KCNH5: variants seen among roughly 807,000 people sequenced by gnomAD.
The protein encoded by KCNH5 is voltage-gated delayed rectifier potassium channel KCNH5.
A neutral mutation model predicts 96.1 loss-of-function variants in KCNH5; 46 were observed. The observed-to-expected ratio is 0.48, with a 90% CI of 0.38 to 0.61. The LOEUF is 0.61. Ranked by LOEUF, KCNH5 falls within the 20% of genes least tolerant of loss-of-function variation. KCNH5 has a pLI of 0.00. For missense variants in KCNH5, 907 were observed against 1,225.8 expected, an observed-to-expected ratio of 0.74 and a Z score of 3.88; for synonymous variants, 439 against 449.8, an observed-to-expected ratio of 0.98 and a Z score of 0.30.
At chr14:62,824,948 T>C (rs1887191454) in intron 8 of KCNH5, among the ~76,000 whole-genome samples, 1 of 152,104 alleles carries the variant, frequency 6.6e-6, no homozygotes, top group African/African-American at 2.4e-5. Context: ...TTCATTGTTT[T>C]TTTTATGGCT....
At chr14:63,016,486 C>T (rs2139607208) in intron 2 of KCNH5, among the ~76,000 whole-genome samples, 1 of 152,100 alleles carries the variant, frequency 6.6e-6, no homozygotes, top group Middle Eastern at 3.4e-3. Context: ...TTTAGTTGTT[C>T]CAGAGGTGCT....
intron 7 of KCNH5, among the ~76,000 whole-genome samples, chr14:62,873,702 G>A (rs774068084): frequency 3.3e-5 from 5 of 152,046 alleles, no homozygotes; most frequent in Non-Finnish European, 7.4e-5. Flanking sequence ...TATTATACAT[G>A]CCCAAAAATC....
At chr14:63,028,466 A>G (rs1891565750) in intron 1 of KCNH5, among the ~76,000 whole-genome samples, 1 of 152,170 alleles carries the variant, frequency 6.6e-6, no homozygotes, top group Non-Finnish European at 1.5e-5. Flanking sequence ...CTGATCACTC[A>G]TCAGGCAATA....
At chr14:62,961,859 C>T (rs1050417916) in intron 6 of KCNH5, among the ~76,000 whole-genome samples, 4 of 143,238 alleles carry the variant, frequency 2.8e-5, no homozygotes, top group Non-Finnish European at 6.0e-5. Context: ...GATGGAGATG[C>T]AGATGCAGAT....
At chr14:63,040,193 T>C (rs1250170914) in intron 1 of KCNH5, among the ~76,000 whole-genome samples, 2 of 152,146 alleles carry the variant, frequency 1.3e-5, no homozygotes, top group African/African-American at 4.8e-5. Context: ...CGCCCTTCTA[T>C]TAAAAATAAT....
At chr14:62,838,441 C>T (rs243145) in intron 8 of KCNH5, among the ~76,000 whole-genome samples, 85,078 of 151,934 alleles carry the variant, frequency 0.56, 24,264 homozygotes, top group East Asian at 0.8. Context: ...CCATCATGCC[C>T]CATCTAAGCA....
At chr14:62,908,780 G>GTTTTTTTTTTTT (rs1451340124) in intron 7 of KCNH5, among the ~76,000 whole-genome samples, 1 of 19,800 alleles carries the variant, frequency 5.1e-5, no homozygotes, top group South Asian at 2.1e-3. Flanking sequence ...ATTTTGCTTT[G>GTTTTTTTTTTTT]TATTTTTTTT....
chr14:62,723,052 T>A lies in KCNH5; in HGVS notation c.2020-14597A>T, dbSNP rs11158449. 2.5e-4 allele frequency among the ~76,000 whole-genome samples: 38 copies of A among 152,090 alleles called. 2 individuals carry two copies. In the South Asian group the frequency reaches 7.7e-3, roughly 31 times the overall value. On this transcript the variant is annotated intron_variant, in intron 10 of 10. Transcript: ENST00000322893. The stretch of plus-strand genomic sequence containing the variant: ...TGTCCCCAGAAACACATCTCACAGG[T>A]GGCTTTAGCTCTCGCCTTGGAAGAT...
Position 62,708,300 on chromosome 14 carries a change from T to C in KCNH5, c.2175A>G (p.Thr725=). ...GTTGGTTCCTCTCAGGGTCACCCTGTGTTGAGCCCTGATTCCGCAGCTCCT... is the reference window on the plus strand; with the variant it reads ...GTTGGTTCCTCTCAGGGTCACCCTGCGTTGAGCCCTGATTCCGCAGCTCCT... The part of the protein sequence containing the change: ...QQKELRNQGS[T]QGDPERNQLQ... Residue 725 remains threonine, a synonymous_variant, in exon 11 of 11, where the codon ACA becomes ACG. Transcript: ENST00000322893. The C allele has an allele frequency of 6.2e-7, 1 of 1,614,176 alleles. No individual in the cohort carries two copies. The highest frequency in any genetic ancestry group is 1.6e-4 in the Middle Eastern group (1 of 6,062).
intron 7 of KCNH5, among the ~76,000 whole-genome samples, chr14:62,871,409 A>C (rs971098512): frequency 2.6e-5 from 4 of 152,232 alleles, no homozygotes; most frequent in Admixed American, 1.3e-4. Context: ...TGGGGCTCCA[A>C]CATCATAACA....
intron 2 of KCNH5, among the ~76,000 whole-genome samples, chr14:63,006,925 C>T (rs1423045722): frequency 6.6e-6 from 1 of 152,166 alleles, no homozygotes; most frequent in Non-Finnish European, 1.5e-5. Context: ...GCCTCCTTTT[C>T]TCTCAGTGAT....
At chr14:62,804,573 C>T (rs1886728272) in intron 8 of KCNH5, among the ~76,000 whole-genome samples, 2 of 152,036 alleles carry the variant, frequency 1.3e-5, no homozygotes, top group African/African-American at 4.8e-5. Flanking sequence ...GGAGCATGGC[C>T]AGAGTGACAT....
intron 7 of KCNH5, among the ~76,000 whole-genome samples, chr14:62,882,973 A>C (rs1888523846): frequency 6.6e-6 from 1 of 152,204 alleles, no homozygotes; most frequent in Non-Finnish European, 1.5e-5. Context: ...TATCTCTGAA[A>C]GTTTTATCAA....
chr14:63,031,979 G>A (rs1891637357), intron 1 of KCNH5, among the ~76,000 whole-genome samples: 1 of 151,140 alleles, frequency 6.6e-6, no homozygotes, highest in African/African-American at 2.4e-5. Flanking sequence ...TACCCCCAGA[G>A]AGAAATATTT....
At chr14:62,824,780 C>T (rs1400402836) in intron 8 of KCNH5, among the ~76,000 whole-genome samples, 1 of 152,000 alleles carries the variant, frequency 6.6e-6, no homozygotes, top group Non-Finnish European at 1.5e-5. Flanking sequence ...CCCTCCCTGT[C>T]TCCTCTAGTA....
chr14:62,876,124 G>A (rs1443711120), intron 7 of KCNH5, among the ~76,000 whole-genome samples: 1 of 152,170 alleles, frequency 6.6e-6, no homozygotes, highest in African/African-American at 2.4e-5. Context: ...TCGAGATGGT[G>A]CCACTGCACT....
chr14:62,949,966 T>C, intron 7 of KCNH5, 167 bp downstream of exon 7: 1 of 613,110 alleles, frequency 1.6e-6, no homozygotes, highest in South Asian at 2.0e-5. Context: ...GTAAAATATA[T>C]TATTTTGCAT....
At position 63,019,790 on chromosome 14, in the gene KCNH5, C is replaced by T. The variant is rs1594678283; in HGVS notation, c.74-2836G>A. Reference sequence around the variant, plus strand: ...GGAAGACAAAAATTTCTTATATAAGCCTCATATAGCAATCACCATAAAAGA... The same window carrying T: ...GGAAGACAAAAATTTCTTATATAAGTCTCATATAGCAATCACCATAAAAGA... On this transcript the variant is annotated intron_variant, in intron 1 of 10. Transcript: ENST00000322893. Among the ~76,000 whole-genome samples the T allele has an allele frequency of 2.0e-5, 3 of 151,944 alleles. No individual in the cohort carries two copies. In the East Asian group the frequency reaches 5.8e-4, roughly 29 times the overall value.
chr14:62,922,694 A>T (rs1889401803), intron 7 of KCNH5, among the ~76,000 whole-genome samples: 1 of 152,030 alleles, frequency 6.6e-6, no homozygotes, highest in Admixed American at 6.6e-5. Context: ...AACAGAATGA[A>T]GAATAAAATT....
Sources: gnomAD v4.1 joint callset for allele counts (sites outside exome capture counted in the v4.1 genomes callset) on GRCh38, gnomAD v4.1.1 for gene constraint, MANE v1.5 for transcripts, NCBI Gene and HGNC (gene_info 2026-07-23, HGNC 2026-07-21) for gene names.